The following MCTP1 variants were observed in gnomAD, a reference collection of about 807,000 sequenced individuals.
MCTP1 encodes the protein multiple C2 and transmembrane domain containing 1.
Under a neutral mutation model 120.6 loss-of-function variants are expected in MCTP1, and 69 were observed. That is an observed-to-expected ratio of 0.57 (90% CI 0.47 to 0.70). The LOEUF is 0.70. MCTP1 is among the 30% of genes least tolerant of loss of function. The pLI is 0.00. For synonymous variants in MCTP1, 529 were observed against 493.1 expected (o/e 1.07, Z -0.96); for missense variants, 1,203 against 1,248.8 (o/e 0.96, Z 0.55).
intron 1 of MCTP1, among the ~76,000 whole-genome samples, chr5:95,137,598 T>G (rs113702924): frequency 2.9e-4 from 44 of 152,316 alleles, no homozygotes; most frequent in African/African-American, 1.0e-3. Context: ...ACTACTAAGA[T>G]CAAAGACAAA....
intron 1 of MCTP1, among the ~76,000 whole-genome samples, chr5:95,028,934 G>T (rs1839786824): frequency 6.6e-6 from 1 of 152,186 alleles, no homozygotes; most frequent in Non-Finnish European, 1.5e-5. Flanking sequence ...GACCAAGGCG[G>T]GCGATCGTGA....
intron 17 of MCTP1, among the ~76,000 whole-genome samples, chr5:94,854,628 G>A (rs1008085110): frequency 6.6e-6 from 1 of 151,628 alleles, no homozygotes; most frequent in Non-Finnish European, 1.5e-5. Flanking sequence ...CCAACTTGAG[G>A]GATGAGTTTC....
intron 6 of MCTP1, among the ~76,000 whole-genome samples, chr5:94,928,828 C>T (rs1256817643): frequency 3.3e-5 from 5 of 151,928 alleles, no homozygotes; most frequent in African/African-American, 9.7e-5. Context: ...TACAATTACC[C>T]GCCCCCCACC....
rs1196245811 is a variant in MCTP1 at position 94,774,091 on chromosome 5, C to T, written c.2610+5019G>A. On this transcript the variant is annotated intron_variant, in intron 19 of 22. Transcript: ENST00000515393. ...GGCGTAGTGGCGGGCGCCTGTAGTC[C>T]CAGCTACTTGGGAGGCTGAGGCAGG... 7.2e-5 allele frequency among the ~76,000 whole-genome samples: 6 copies of T among 83,456 alleles called. 1 individual carries two copies. The highest frequency in any genetic ancestry group is 2.5e-4 in the Admixed American group (2 of 8,154). The allele number at this position is 83,456 out of a possible 152,430, so 54.8% of individuals were successfully genotyped here. A position where few individuals can be genotyped will look rare whatever the true frequency, so the allele number is the denominator to read the frequency against.
chr5:95,116,317 C>A (rs1159499693), intron 1 of MCTP1, among the ~76,000 whole-genome samples: 4 of 137,926 alleles, frequency 2.9e-5, no homozygotes, highest in Non-Finnish European at 6.5e-5. Flanking sequence ...GATGATGAAC[C>A]AATCAAAAAT....
At chr5:95,098,501 T>C (rs1442431097) in intron 1 of MCTP1, among the ~76,000 whole-genome samples, 1 of 152,104 alleles carries the variant, frequency 6.6e-6, no homozygotes, top group Non-Finnish European at 1.5e-5. Context: ...AGCCAAATCA[T>C]GAGTGAACTC....
At chr5:94,710,510 G>A (rs1177176861) in intron 21 of MCTP1, 1 of 266,032 alleles carries the variant, frequency 3.8e-6, no homozygotes, top group Non-Finnish European at 7.1e-6. Context: ...GCCTCTGTTT[G>A]TATATAAATG....
intron 18 of MCTP1, among the ~76,000 whole-genome samples, chr5:94,781,835 A>G (rs1393813015): frequency 2.0e-5 from 3 of 152,162 alleles, no homozygotes; most frequent in African/African-American, 7.2e-5. Flanking sequence ...AGAACCACCC[A>G]ATACAACCAT....
At position 94,723,912 on chromosome 5, in the gene MCTP1, AAGAG is replaced by A. The variant is rs1209746914; in HGVS notation, c.2611-9030_2611-9027del. On this transcript the variant is annotated intron_variant, in intron 19 of 22. Transcript: ENST00000515393. ...GTGAGGAAAGAGAAAGAAGGAAGAA[AAGAG>A]AGAGAGAGGAAGACACAAAGGAGAA... Among the ~76,000 whole-genome samples, 2 of 151,982 alleles carry A rather than the reference AAGAG, an allele frequency of 1.3e-5. 1 individual carries two copies. Among genetic ancestry groups the A allele is most frequent in the Non-Finnish European group, 2.9e-5 (2 of 67,972 alleles).
At chr5:95,007,200 C>A (rs1203405428) in intron 2 of MCTP1, among the ~76,000 whole-genome samples, 4 of 152,072 alleles carry the variant, frequency 2.6e-5, no homozygotes, top group Non-Finnish European at 5.9e-5. Context: ...AGGGTAATCG[C>A]CCCCACAATT....
chr5:94,819,078 A>AATTAATTT (rs1242711012), intron 17 of MCTP1, among the ~76,000 whole-genome samples: 1 of 140,226 alleles, frequency 7.1e-6, no homozygotes, highest in Non-Finnish European at 1.6e-5. Context: ...AACTACTTCA[A>AATTAATTT]ATTTATTTAT....
intron 10 of MCTP1, among the ~76,000 whole-genome samples, chr5:94,903,049 G>T (rs1349848656): frequency 6.6e-6 from 1 of 152,020 alleles, no homozygotes. Context: ...TTTTGTTTAG[G>T]TTGAGTTTAT....
chr5:94,711,473 A>T (rs2096773035), intron 20 of MCTP1, among the ~76,000 whole-genome samples: 1 of 152,146 alleles, frequency 6.6e-6, no homozygotes, highest in Non-Finnish European at 1.5e-5. Flanking sequence ...ATAGAACTGG[A>T]AATCAGGAAA....
chr5:94,929,113 G>A (rs534950787), intron 6 of MCTP1, among the ~76,000 whole-genome samples: 1 of 152,276 alleles, frequency 6.6e-6, no homozygotes, highest in East Asian at 1.9e-4. Context: ...ATTGCAGAGC[G>A]GGGAGACAGG....
At chr5:95,245,543 T>C (rs1706403577) in intron 1 of MCTP1, among the ~76,000 whole-genome samples, 1 of 151,564 alleles carries the variant, frequency 6.6e-6, no homozygotes, top group Non-Finnish European at 1.5e-5. Flanking sequence ...CAAGTTTCAA[T>C]AGCCAATTTG....
intron 1 of MCTP1, among the ~76,000 whole-genome samples, chr5:95,132,179 C>T (rs1298288904): frequency 1.3e-5 from 2 of 152,214 alleles, no homozygotes; most frequent in South Asian, 2.1e-4. Context: ...TCTCTCATTA[C>T]AGTCACCAGA....
At chr5:95,237,310 G>A (rs1755656065) in intron 1 of MCTP1, among the ~76,000 whole-genome samples, 1 of 152,198 alleles carries the variant, frequency 6.6e-6, no homozygotes, top group Non-Finnish European at 1.5e-5. Flanking sequence ...ATCCAGGAGA[G>A]TGGCTGTGAA....
chr5:94,875,842 G>A (rs930781905), intron 12 of MCTP1, among the ~76,000 whole-genome samples: 4 of 151,856 alleles, frequency 2.6e-5, no homozygotes, highest in African/African-American at 9.7e-5. Context: ...TTAGGTTAAG[G>A]AGAAAGCAGG....
At chr5:95,205,932 G>C (rs1322271860) in intron 1 of MCTP1, among the ~76,000 whole-genome samples, 3 of 151,162 alleles carry the variant, frequency 2.0e-5, no homozygotes, top group Non-Finnish European at 4.4e-5. Context: ...ATACACTGCT[G>C]GTGGGAATAT....
Sources: gnomAD v4.1 joint callset for allele counts (sites outside exome capture counted in the v4.1 genomes callset) on GRCh38, gnomAD v4.1.1 for gene constraint, MANE v1.5 for transcripts, NCBI Gene and HGNC (gene_info 2026-07-23, HGNC 2026-07-21) for gene names.